RGS6: variants seen among roughly 807,000 people sequenced by gnomAD.
The protein encoded by RGS6 is regulator of G-protein signaling 6.
In RGS6, 30 loss-of-function variants were observed where a neutral mutation model predicts 78.5. The observed-to-expected ratio is 0.38, with a 90% CI of 0.29 to 0.52. The LOEUF (loss-of-function observed/expected upper bound fraction) is 0.52, where lower values mean the gene tolerates loss of function less well. Among genes scored for constraint, RGS6 ranks in the 20% least tolerant of loss-of-function variants. RGS6 has a pLI of 0.85. For missense variants in RGS6, 495 were observed against 609.7 expected, an observed-to-expected ratio of 0.81 and a Z score of 1.98; for synonymous variants, 206 against 206.0, an observed-to-expected ratio of 1.00 and a Z score of 0.00.
chr14:71,873,416 G>C, the RGS6 span, among the ~76,000 whole-genome samples: 1 of 152,098 alleles, frequency 6.6e-6, no homozygotes, highest in Non-Finnish European at 1.5e-5. Flanking sequence ...TTTTTCATGT[G>C]TTTTTTGGCT....
At chr14:72,002,786 G>C (rs1332240780) in intron 2 of RGS6, among the ~76,000 whole-genome samples, 1 of 152,100 alleles carries the variant, frequency 6.6e-6, no homozygotes, top group African/African-American at 2.4e-5. Flanking sequence ...GTGCATGCTT[G>C]TTTTTATAAA....
chr14:72,279,686 A>G (rs1425511992), intron 2 of RGS6, among the ~76,000 whole-genome samples: 1 of 152,206 alleles, frequency 6.6e-6, no homozygotes, highest in Admixed American at 6.5e-5. Context: ...TCTGTTGATG[A>G]AAAAGGACAG....
intron 2 of RGS6, among the ~76,000 whole-genome samples, chr14:72,224,144 C>G (rs190116645): frequency 7.9e-4 from 121 of 152,306 alleles, no homozygotes; most frequent in African/African-American, 2.7e-3. Context: ...TGGGGCTTGG[C>G]AAAGTGTCTT....
At chr14:72,209,894 A>G (rs768920788) in intron 2 of RGS6, among the ~76,000 whole-genome samples, 1 of 152,232 alleles carries the variant, frequency 6.6e-6, no homozygotes, top group African/African-American at 2.4e-5. Flanking sequence ...AACAATCTAC[A>G]TAAGTAGACT....
intron 2 of RGS6, among the ~76,000 whole-genome samples, chr14:72,146,791 T>C (rs1447329787): frequency 6.6e-6 from 1 of 152,220 alleles, no homozygotes; most frequent in Non-Finnish European, 1.5e-5. Flanking sequence ...CTTCTTCCCT[T>C]TTAGTTACAA....
chr14:72,127,684 A>G (rs2096231814), intron 2 of RGS6, among the ~76,000 whole-genome samples: 1 of 152,192 alleles, frequency 6.6e-6, no homozygotes, highest in Non-Finnish European at 1.5e-5. Context: ...TTCTAGCGTT[A>G]GCATTTACCC....
chr14:72,462,666 A>C (rs1238213113), intron 6 of RGS6, among the ~76,000 whole-genome samples: 1 of 152,216 alleles, frequency 6.6e-6, no homozygotes, highest in Non-Finnish European at 1.5e-5. Flanking sequence ...TTTTTGAATG[A>C]GTGACTGAAT....
chr14:72,421,401 G>T (rs1184864134), intron 3 of RGS6, among the ~76,000 whole-genome samples: 1 of 152,126 alleles, frequency 6.6e-6, no homozygotes, highest in Non-Finnish European at 1.5e-5. Context: ...CTAAGCCAAA[G>T]ACTGTATTGA....
intron 3 of RGS6, among the ~76,000 whole-genome samples, chr14:72,444,559 C>T (rs542218639): frequency 8.7e-4 from 132 of 152,218 alleles, no homozygotes; most frequent in Admixed American, 2.6e-3. Context: ...CATCCTTTCT[C>T]GGTCTGGGGT....
intron 3 of RGS6, among the ~76,000 whole-genome samples, chr14:72,357,866 G>A (rs532636202): frequency 1.3e-5 from 2 of 152,176 alleles, no homozygotes; most frequent in African/African-American, 2.4e-5. Flanking sequence ...TGTCTCCAGG[G>A]CATGTCACAG....
At chr14:72,466,295 T>C (rs892705826) in intron 7 of RGS6, among the ~76,000 whole-genome samples, 1 of 152,228 alleles carries the variant, frequency 6.6e-6, no homozygotes, top group African/African-American at 2.4e-5. Context: ...TAATGCAAAA[T>C]GGTACAGCCA....
At chr14:71,950,627 G>A (rs887788233) in intron 1 of RGS6, among the ~76,000 whole-genome samples, 17 of 152,162 alleles carry the variant, frequency 1.1e-4, no homozygotes, top group Admixed American at 1.1e-3. Context: ...AGAGCGAACA[G>A]GCAGCCTACA....
intron 2 of RGS6, among the ~76,000 whole-genome samples, chr14:72,110,383 C>T (rs963716500): frequency 6.6e-6 from 1 of 152,202 alleles, no homozygotes; most frequent in Non-Finnish European, 1.5e-5. Flanking sequence ...CTTCTCATCA[C>T]TGTGGGCACC....
At chr14:72,331,555 G>T (rs2075041784) in intron 2 of RGS6, among the ~76,000 whole-genome samples, 2 of 152,124 alleles carry the variant, frequency 1.3e-5, no homozygotes. Context: ...CCTCACCTGG[G>T]GCTCCAGGGT....
chr14:72,605,266 C>G, the RGS6 span, among the ~76,000 whole-genome samples: 1 of 152,096 alleles, frequency 6.6e-6, no homozygotes, highest in Non-Finnish European at 1.5e-5. Flanking sequence ...GCAGGCCCAG[C>G]CCAGATGCCA....
chr14:71,979,445 G>A (rs1459900373), intron 2 of RGS6, among the ~76,000 whole-genome samples: 2 of 151,580 alleles, frequency 1.3e-5, no homozygotes. Flanking sequence ...ATGCGTCCCA[G>A]AGATTCTGGT....
At chr14:72,582,993 A>G in the RGS6 span, among the ~76,000 whole-genome samples, 240 of 151,956 alleles carry the variant, frequency 1.6e-3, no homozygotes, top group African/African-American at 5.5e-3. Flanking sequence ...GATACTGTCT[A>G]ATCAGCTGAA....
At chr14:72,307,503 C>T (rs2067532257) in intron 2 of RGS6, among the ~76,000 whole-genome samples, 1 of 152,098 alleles carries the variant, frequency 6.6e-6, no homozygotes, top group African/African-American at 2.4e-5. Context: ...TTTGTTTTTA[C>T]AGTTGATTAT....
the RGS6 span, among the ~76,000 whole-genome samples, chr14:71,872,152 AC>A: frequency 2.0e-5 from 3 of 151,912 alleles, no homozygotes; most frequent in Non-Finnish European, 4.4e-5. Flanking sequence ...ACACAATACC[AC>A]CCCAACTCCT....
Sources: gnomAD v4.1 joint callset for allele counts (sites outside exome capture counted in the v4.1 genomes callset) on GRCh38, gnomAD v4.1.1 for gene constraint, MANE v1.5 for transcripts, NCBI Gene and HGNC (gene_info 2026-07-23, HGNC 2026-07-21) for gene names.